Variants in RAD51B observed in about 807,000 individuals in gnomAD.
RAD51B encodes DNA repair protein RAD51 homolog 2.
A neutral mutation model predicts 42.2 loss-of-function variants in RAD51B; 38 were observed. That is an observed-to-expected ratio of 0.90 (90% CI 0.70 to 1.18). The LOEUF (loss-of-function observed/expected upper bound fraction) is 1.18, where lower values mean the gene tolerates loss of function less well. RAD51B is among the 50% of genes most tolerant of loss of function. The pLI is 0.00. For synonymous variants in RAD51B, 154 were observed against 145.2 expected, an observed-to-expected ratio of 1.06 and a Z score of -0.43; for missense variants, 373 against 400.7, an observed-to-expected ratio of 0.93 and a Z score of 0.59.
intron 7 of RAD51B, among the ~76,000 whole-genome samples, chr14:67,967,933 G>T (rs545182198): frequency 1.3e-5 from 2 of 152,196 alleles, no homozygotes; most frequent in African/African-American, 4.8e-5. Flanking sequence ...GAGATTCTCC[G>T]TGAGGGCCCT....
At chr14:68,361,518 C>T (rs961253803) in intron 8 of RAD51B, among the ~76,000 whole-genome samples, 18 of 152,208 alleles carry the variant, frequency 1.2e-4, no homozygotes, top group African/African-American at 3.4e-4. Flanking sequence ...TCTTCTTCTA[C>T]ACCCAATATC....
rs58442270 is a variant in RAD51B at position 68,502,382 on chromosome 14, A to G, written c.1036+34132A>G. ...AGAAGGGAGGGGGGCGCACAGCTGC[A>G]GTTCCGACTCCCCCCACGGGCCGCC... On this transcript the variant is annotated intron_variant, in intron 10 of 10. Transcript: ENST00000487270. 8.9e-3 allele frequency among the ~76,000 whole-genome samples: 1,352 copies of G among 152,284 alleles called. 29 individuals are homozygous for G. Among genetic ancestry groups the G allele is most frequent in the African/African-American group, 0.03 (1,251 of 41,568 alleles).
chr14:68,671,053 C>A (rs1376844076), intron 11 of RAD51B, among the ~76,000 whole-genome samples: 2 of 152,158 alleles, frequency 1.3e-5, no homozygotes, highest in African/African-American at 2.4e-5. Context: ...GGAGATACAG[C>A]CCAAACGCCT....
chr14:68,072,819 A>T (rs994341326), intron 7 of RAD51B, among the ~76,000 whole-genome samples: 2 of 152,118 alleles, frequency 1.3e-5, no homozygotes, highest in East Asian at 1.9e-4. Context: ...AGATTGTTTA[A>T]TTTCCATTTA....
chr14:68,682,058 T>C (rs1566971586), intron 11 of RAD51B, among the ~76,000 whole-genome samples: 1 of 151,760 alleles, frequency 6.6e-6, no homozygotes, highest in Non-Finnish European at 1.5e-5. Context: ...ATATTAACAT[T>C]AAAAAAAAGA....
chr14:68,058,340 A>G (rs1302780818), intron 7 of RAD51B, among the ~76,000 whole-genome samples: 1 of 152,172 alleles, frequency 6.6e-6, no homozygotes, highest in Non-Finnish European at 1.5e-5. Context: ...AATTCAATGC[A>G]TCATTTGCCT....
At chr14:68,340,573 T>G (rs887696905) in intron 8 of RAD51B, among the ~76,000 whole-genome samples, 1 of 152,246 alleles carries the variant, frequency 6.6e-6, no homozygotes, top group Non-Finnish European at 1.5e-5. Flanking sequence ...AAGCCTCTAT[T>G]CCTTCTGTAA....
At chr14:68,624,668 G>A (rs1008628868) in intron 10 of RAD51B, among the ~76,000 whole-genome samples, 1 of 152,120 alleles carries the variant, frequency 6.6e-6, no homozygotes, top group Non-Finnish European at 1.5e-5. Context: ...CTAGGTTCTC[G>A]GTGCTGTTGA....
At position 68,585,712 on chromosome 14, in the gene RAD51B, G is replaced by A. The variant is rs144293048; in HGVS notation, c.1037-8773G>A. 3.5e-3 allele frequency among the ~76,000 whole-genome samples: 533 copies of A among 152,284 alleles called. 5 individuals are homozygous for A. Among genetic ancestry groups the A allele is most frequent in the African/African-American group, 0.012 (510 of 41,558 alleles). ...ACCCCGGGTGTCCTGCTCACTGCAA[G>A]GAAGAAAAACAGAATAATGAGCCAC... On this transcript the variant is annotated intron_variant, in intron 10 of 10. Coordinates refer to the RAD51B transcript ENST00000487270.
chr14:68,429,169 G>A (rs1403126459), intron 9 of RAD51B, among the ~76,000 whole-genome samples: 1 of 152,148 alleles, frequency 6.6e-6, no homozygotes, highest in Non-Finnish European at 1.5e-5. Flanking sequence ...GGACATTTGG[G>A]TTGGTTCCAA....
chr14:67,855,062 C>A (rs1000858443), intron 4 of RAD51B, among the ~76,000 whole-genome samples: 1 of 152,064 alleles, frequency 6.6e-6, no homozygotes, highest in Non-Finnish European at 1.5e-5. Context: ...TTATGCCTGG[C>A]AAAGTTTTTG....
At chr14:68,105,860 C>G (rs994805383) in intron 7 of RAD51B, among the ~76,000 whole-genome samples, 5 of 152,050 alleles carry the variant, frequency 3.3e-5, no homozygotes, top group East Asian at 1.9e-4. Flanking sequence ...TATATACCTT[C>G]TATTTATTGG....
At chr14:68,456,031 C>A (rs933171728) in intron 9 of RAD51B, among the ~76,000 whole-genome samples, 1 of 152,152 alleles carries the variant, frequency 6.6e-6, no homozygotes, top group African/African-American at 2.4e-5. Context: ...ATGTTAATGG[C>A]AATCCTCAGG....
intron 7 of RAD51B, among the ~76,000 whole-genome samples, chr14:68,010,811 G>A (rs2075671396): frequency 6.6e-6 from 1 of 151,638 alleles, no homozygotes; most frequent in Non-Finnish European, 1.5e-5. Context: ...TTTTATATAG[G>A]GCATGACATT....
chr14:68,061,944 G>C (rs2076574415), intron 7 of RAD51B, among the ~76,000 whole-genome samples: 1 of 152,174 alleles, frequency 6.6e-6, no homozygotes, highest in Non-Finnish European at 1.5e-5. Context: ...TTGAATAAAA[G>C]TGGTGAATGT....
Position 68,604,800 on chromosome 14 carries a change from C to G in RAD51B, c.1037-6206C>G, listed in dbSNP as rs142638498. Among the ~76,000 whole-genome samples, 260 of 116,026 alleles carry G rather than the reference C, an allele frequency of 2.2e-3. 1 individual carries two copies. Among genetic ancestry groups the G allele is most frequent in the African/African-American group, 7.3e-3 (252 of 34,646 alleles). The allele number at this position is 116,026 out of a possible 152,430, so 76.1% of individuals were successfully genotyped here. ...CTCTGGTCTCATGTACTTTTGTATT[C>G]TGGGAGCCTAGCACTCAGGGCTCCC... On this transcript the variant is annotated intron_variant, in intron 10 of 10. Transcript: ENST00000487861.
intron 7 of RAD51B, among the ~76,000 whole-genome samples, chr14:67,949,729 G>A (rs776096335): frequency 3.9e-5 from 6 of 152,234 alleles, no homozygotes; most frequent in South Asian, 4.2e-4. Flanking sequence ...ATAGCATTAC[G>A]AAATGTATGT....
At chr14:68,226,670 A>C (rs1317469510) in intron 7 of RAD51B, among the ~76,000 whole-genome samples, 2 of 152,204 alleles carry the variant, frequency 1.3e-5, no homozygotes, top group Non-Finnish European at 2.9e-5. Flanking sequence ...CTGCAGGTCC[A>C]TTAAACCCTC....
At chr14:68,606,944 G>T (rs902329621) in intron 10 of RAD51B, among the ~76,000 whole-genome samples, 3 of 152,194 alleles carry the variant, frequency 2.0e-5, no homozygotes, top group Non-Finnish European at 4.4e-5. Flanking sequence ...GGAGGCTCAG[G>T]TGTGTAGAGG....
Sources: gnomAD v4.1 joint callset for allele counts (sites outside exome capture counted in the v4.1 genomes callset) on GRCh38, gnomAD v4.1.1 for gene constraint, MANE v1.5 for transcripts, NCBI Gene and HGNC (gene_info 2026-07-23, HGNC 2026-07-21) for gene names.